Variants in DTNB observed in about 807,000 individuals in gnomAD.
The protein encoded by DTNB is dystrobrevin beta, also known as DTN-B.
A neutral mutation model predicts 90.7 loss-of-function variants in DTNB; 63 were observed. The observed-to-expected ratio is 0.69, with a 90% CI of 0.57 to 0.86. The LOEUF (loss-of-function observed/expected upper bound fraction) is 0.86. Ranked by LOEUF, DTNB falls within the 40% of genes least tolerant of loss-of-function variation. DTNB has a pLI of 0.00. For missense variants in DTNB, 744 were observed against 807.1 expected, an observed-to-expected ratio of 0.92 and a Z score of 0.95; for synonymous variants, 277 against 286.7, an observed-to-expected ratio of 0.97 and a Z score of 0.34.
intron 4 of DTNB, among the ~76,000 whole-genome samples, chr2:25,616,935 AAAAAAAAAAAAAAAAAAGG>A (rs936903932): frequency 1.4e-5 from 1 of 69,444 alleles, no homozygotes; most frequent in Admixed American, 1.4e-4. Context: ...CCGTCTCAAA[AAAAAAAAAAAAAAAAAAGG>A]AAAAAAAAGA....
intron 4 of DTNB, among the ~76,000 whole-genome samples, chr2:25,620,685 T>C (rs2072305970): frequency 6.6e-6 from 1 of 152,118 alleles, no homozygotes; most frequent in Non-Finnish European, 1.5e-5. Flanking sequence ...AAGTGATGGA[T>C]GGCCAGGTGT....
intron 16 of DTNB, among the ~76,000 whole-genome samples, chr2:25,411,406 G>A (rs561681040): frequency 6.6e-6 from 1 of 151,754 alleles, no homozygotes; most frequent in African/African-American, 2.4e-5. Flanking sequence ...TAGTATTATA[G>A]TGATATTTCC....
intron 20 of DTNB, among the ~76,000 whole-genome samples, chr2:25,379,018 T>C (rs1573567239): frequency 1.3e-5 from 2 of 152,236 alleles, no homozygotes; most frequent in Admixed American, 1.3e-4. Flanking sequence ...CAGTGTCGGG[T>C]CTGCCAATGC....
chr2:25,435,078 G>A (rs114904017), intron 12 of DTNB, among the ~76,000 whole-genome samples: 2,216 of 152,000 alleles, frequency 0.015, 27 homozygotes, highest in Non-Finnish European at 0.025. Flanking sequence ...GGACTGCAAC[G>A]GCATGATCTT....
chr2:25,556,576 A>C (rs1014496435), intron 8 of DTNB, among the ~76,000 whole-genome samples: 4 of 152,234 alleles, frequency 2.6e-5, no homozygotes, highest in Non-Finnish European at 2.9e-5. Flanking sequence ...GGCTGAAAAT[A>C]AACTGAGGAC....
intron 14 of DTNB, among the ~76,000 whole-genome samples, chr2:25,429,067 C>A (rs766478361): frequency 6.6e-6 from 1 of 152,134 alleles, no homozygotes; most frequent in Non-Finnish European, 1.5e-5. Flanking sequence ...CCGCTAGCCA[C>A]GCGTGACTAC....
chr2:25,559,098 C>T (rs1304832218), intron 8 of DTNB, among the ~76,000 whole-genome samples: 4 of 152,268 alleles, frequency 2.6e-5, no homozygotes, highest in African/African-American at 4.8e-5. Flanking sequence ...AATTCCAGCA[C>T]GACCTTTATA....
At chr2:25,512,385 G>A (rs1344374934) in intron 9 of DTNB, among the ~76,000 whole-genome samples, 2 of 152,128 alleles carry the variant, frequency 1.3e-5, no homozygotes, top group African/African-American at 4.8e-5. Flanking sequence ...TTACAATTGT[G>A]CTCCATCCTC....
At chr2:25,572,673 T>A (rs1357488832) in intron 8 of DTNB, among the ~76,000 whole-genome samples, 27 of 151,570 alleles carry the variant, frequency 1.8e-4, no homozygotes, top group Admixed American at 5.9e-4. Flanking sequence ...TTTTTTTTTT[T>A]AAATAGTAGT....
chr2:25,460,118 G>A (rs1268550539), intron 10 of DTNB, among the ~76,000 whole-genome samples: 2 of 152,044 alleles, frequency 1.3e-5, no homozygotes, highest in South Asian at 2.1e-4. Context: ...AATTTCCATG[G>A]TGTTTTTGTA....
chr2:25,444,094 T>G (rs975019502), intron 12 of DTNB, among the ~76,000 whole-genome samples: 1 of 152,192 alleles, frequency 6.6e-6, no homozygotes, highest in Admixed American at 6.5e-5. Flanking sequence ...CCATAATGAA[T>G]TTTAAATTTT....
At chr2:25,569,957 C>T (rs892662212) in intron 8 of DTNB, among the ~76,000 whole-genome samples, 7 of 151,810 alleles carry the variant, frequency 4.6e-5, no homozygotes, top group Admixed American at 1.3e-4. Flanking sequence ...ATCAGCCGAG[C>T]GTGGTGGCGG....
intron 9 of DTNB, among the ~76,000 whole-genome samples, chr2:25,530,994 A>C (rs1237464819): frequency 2.6e-5 from 4 of 152,256 alleles, no homozygotes; most frequent in Admixed American, 2.0e-4. Flanking sequence ...CATATAAATA[A>C]ATACATACAA....
At chr2:25,466,619 A>C (rs1246892582) in intron 10 of DTNB, among the ~76,000 whole-genome samples, 1 of 152,226 alleles carries the variant, frequency 6.6e-6, no homozygotes. Flanking sequence ...GAGCAGTTAC[A>C]GTGTGTTTGT....
chr2:25,616,954 G>GAAAAAAAAAAAAAAAAAAAA, intron 4 of DTNB, among the ~76,000 whole-genome samples: 1 of 97,452 alleles, frequency 1.0e-5, no homozygotes, highest in Non-Finnish European at 1.9e-5. Context: ...AAAAAAAAAG[G>GAAAAAAAAAAAAAAAAAAAA]AAAAAAAAGA....
At chr2:25,497,317 A>C (rs918612707) in intron 9 of DTNB, 2 of 152,258 alleles carry the variant, frequency 1.3e-5, no homozygotes, top group African/African-American at 4.8e-5. Context: ...ATAGAATCCA[A>C]GTCTTGCTGC....
At chr2:25,419,569 G>GA (rs1028251938) in intron 15 of DTNB, 34 bp from the exon 16 acceptor site, 2 of 1,549,404 alleles carry the variant, frequency 1.3e-6, no homozygotes, top group Non-Finnish European at 8.7e-7. Context: ...AAAGGCAGAG[G>GA]AAAAAAGGAG....
chr2:25,570,765 G>A (rs1013589109), intron 8 of DTNB, among the ~76,000 whole-genome samples: 1 of 152,140 alleles, frequency 6.6e-6, no homozygotes, highest in East Asian at 1.9e-4. Context: ...ATATTGAAGA[G>A]CTTCAAGGGT....
intron 20 of DTNB, among the ~76,000 whole-genome samples, chr2:25,378,852 CTG>C (rs1174141761): frequency 2.0e-5 from 3 of 152,176 alleles, no homozygotes; most frequent in Admixed American, 6.5e-5. Context: ...GGGTCAGGGA[CTG>C]TGATTCGGTG....
Sources: gnomAD v4.1 joint callset for allele counts (sites outside exome capture counted in the v4.1 genomes callset) on GRCh38, gnomAD v4.1.1 for gene constraint, MANE v1.5 for transcripts, NCBI Gene and HGNC (gene_info 2026-07-23, HGNC 2026-07-21) for gene names.